Variants in CEP85L observed in about 807,000 individuals in gnomAD.
CEP85L encodes the protein centrosomal protein of 85 kDa-like.
A neutral mutation model predicts 100.3 loss-of-function variants in CEP85L; 60 were observed. The ratio of observed to expected loss-of-function variants is 0.60; its 90% CI spans 0.49 to 0.74. The LOEUF (loss-of-function observed/expected upper bound fraction) is 0.74. Among genes scored for constraint, CEP85L ranks in the 30% least tolerant of loss-of-function variants. The pLI, the probability that CEP85L is intolerant of heterozygous loss-of-function variation, is 0.00. For synonymous variants in CEP85L, 319 were observed against 322.7 expected, an observed-to-expected ratio of 0.99 and a Z score of 0.12; for missense variants, 973 against 936.2, an observed-to-expected ratio of 1.04 and a Z score of -0.51.
chr6:118,645,692 A>G (rs1223277189), intron 1 of CEP85L, among the ~76,000 whole-genome samples: 1 of 152,146 alleles, frequency 6.6e-6, no homozygotes, highest in South Asian at 2.1e-4. Flanking sequence ...CAAAACAAAC[A>G]AACAAACAAA....
chr6:118,540,856 A>T (rs1410292900), intron 3 of CEP85L, among the ~76,000 whole-genome samples: 1 of 152,304 alleles, frequency 6.6e-6, no homozygotes, highest in Non-Finnish European at 1.5e-5. Flanking sequence ...AACTTCAACT[A>T]ATCTGCACAA....
intron 1 of CEP85L, among the ~76,000 whole-genome samples, chr6:118,688,137 G>A (rs965018786): frequency 2.6e-5 from 4 of 152,068 alleles, no homozygotes; most frequent in African/African-American, 9.7e-5. Flanking sequence ...TGTGCGCAAG[G>A]ACCCCCCAGT....
chr6:118,694,503 G>A (rs1275781561), intron 1 of CEP85L, among the ~76,000 whole-genome samples: 1 of 152,158 alleles, frequency 6.6e-6, no homozygotes, highest in Non-Finnish European at 1.5e-5. Context: ...CAATTGTGAT[G>A]TAATTCTCCT....
At chr6:118,554,482 T>TG (rs1379220535) in intron 3 of CEP85L, among the ~76,000 whole-genome samples, 4 of 152,158 alleles carry the variant, frequency 2.6e-5, no homozygotes, top group African/African-American at 9.7e-5. Flanking sequence ...TTTCTAATAG[T>TG]TTTAGTCATA....
intron 1 of CEP85L, among the ~76,000 whole-genome samples, chr6:118,639,960 T>C (rs1378513396): frequency 6.6e-6 from 1 of 152,220 alleles, no homozygotes; most frequent in Non-Finnish European, 1.5e-5. Context: ...AGTATGCATT[T>C]AAGTATCTAT....
intron 3 of CEP85L, among the ~76,000 whole-genome samples, chr6:118,545,224 C>T (rs1778127299): frequency 6.6e-6 from 1 of 152,200 alleles, no homozygotes; most frequent in Non-Finnish European, 1.5e-5. Flanking sequence ...CCTCCGGATA[C>T]ACCACTACAG....
At position 118,572,998 on chromosome 6, in the gene CEP85L, G is replaced by T. The variant is rs1408673188; in HGVS notation, c.233-6682C>A. Among the ~76,000 whole-genome samples the T allele has an allele frequency of 2.0e-5, 3 of 152,180 alleles. No homozygotes were observed. The East Asian group carries it at 5.8e-4, about 29-fold the overall frequency. ...AATCACTTGAACCCAGGAGGCAGAG[G>T]TTGCAGTGAGCTAAGACTGTGCCAT... On this transcript the variant is annotated intron_variant, in intron 2 of 12. Transcript: ENST00000368491.
chr6:118,617,121 G>T (rs1773109908), intron 2 of CEP85L, among the ~76,000 whole-genome samples: 1 of 152,090 alleles, frequency 6.6e-6, no homozygotes, highest in South Asian at 2.1e-4. Context: ...ATGCCAGCTG[G>T]GCTTCCTGGG....
chr6:118,692,838 T>G (rs1777090292), intron 1 of CEP85L, among the ~76,000 whole-genome samples: 1 of 99,582 alleles, frequency 1.0e-5, no homozygotes, highest in Non-Finnish European at 2.4e-5. Flanking sequence ...AGGCAGGAAA[T>G]CATAAGGTAG....
At chr6:118,476,795 A>G (rs1211435259) in intron 10 of CEP85L, among the ~76,000 whole-genome samples, 1 of 152,218 alleles carries the variant, frequency 6.6e-6, no homozygotes, top group Non-Finnish European at 1.5e-5. Flanking sequence ...TTGTGATATT[A>G]TGATCATCTA....
In CEP85L at chr6:118,547,175, C is replaced by T. The variant is rs115203258; in HGVS notation, c.1020+18354G>A. Reference sequence around the variant, plus strand: ...GAAGAGATTTAAGAATTAATATTTTCGAGTGTGGTGACTTAAGTAAATCTA... The same window carrying T: ...GAAGAGATTTAAGAATTAATATTTTTGAGTGTGGTGACTTAAGTAAATCTA... On this transcript the variant is annotated intron_variant, in intron 3 of 12. Coordinates refer to ENST00000368491, the MANE Select transcript of CEP85L (RefSeq NM_001042475.3). Among the ~76,000 whole-genome samples, 565 of 152,160 alleles carry T rather than the reference C, an allele frequency of 3.7e-3. 3 individuals are homozygous for T. The highest frequency in any genetic ancestry group is 0.013 in the African/African-American group (539 of 41,548).
At chr6:118,604,398 C>T (rs1772037741) in intron 2 of CEP85L, among the ~76,000 whole-genome samples, 1 of 152,158 alleles carries the variant, frequency 6.6e-6, no homozygotes, top group South Asian at 2.1e-4. Context: ...TTTTTTCACA[C>T]CATCCACAAC....
intron 2 of CEP85L, among the ~76,000 whole-genome samples, chr6:118,621,208 C>T (rs2356501): frequency 4.6e-5 from 7 of 152,022 alleles, no homozygotes; most frequent in Non-Finnish European, 8.8e-5. Context: ...CCCAATCCTA[C>T]GAGTACAAAA....
rs1363348381 is a variant in CEP85L, at chr6:118,566,079, G to C, written c.470C>G (p.Ser157Ter). The change falls in exon 3 of 13, where the codon TCA (serine) becomes TGA (stop). Residue 157 changes from serine (S) to a stop codon, truncating the protein, a stop_gained. Coordinates refer to ENST00000368491, the MANE Select transcript of CEP85L (RefSeq NM_001042475.3). LOFTEE classifies it high-confidence loss of function. ...MKDFRPLRKW[S>*]SLSKLTAPDN... ...CGGGGCAGTGAGTTTGGATAAAGAT[G>C]ACCATTTCCGAAGTGGCCGGAAGTC... is the stretch of plus-strand genomic sequence containing the variant. The C allele has an allele frequency of 2.5e-6, 4 of 1,614,058 alleles. No homozygotes were observed. Among genetic ancestry groups the C allele is most frequent in the Non-Finnish European group, 2.5e-6 (3 of 1,180,046 alleles).
chr6:118,658,677 A>G (rs1775875355), intron 1 of CEP85L, among the ~76,000 whole-genome samples: 2 of 152,312 alleles, frequency 1.3e-5, no homozygotes, highest in African/African-American at 4.8e-5. Flanking sequence ...GATTGTAAAT[A>G]TATGTTAAAT....
chr6:118,685,147 G>A (rs1349766273), intron 1 of CEP85L, among the ~76,000 whole-genome samples: 2 of 152,134 alleles, frequency 1.3e-5, no homozygotes, highest in Admixed American at 1.3e-4. Context: ...TTACTTAGTT[G>A]TATCTGTAAT....
intron 4 of CEP85L, among the ~76,000 whole-genome samples, chr6:118,512,336 A>C (rs1776018386): frequency 6.6e-6 from 1 of 151,920 alleles, no homozygotes; most frequent in Non-Finnish European, 1.5e-5. Context: ...TGAGGAAGCT[A>C]CCGACGGTGT....
chr6:118,506,647 G>A (rs1158188330), intron 5 of CEP85L, among the ~76,000 whole-genome samples: 4 of 152,106 alleles, frequency 2.6e-5, no homozygotes, highest in Non-Finnish European at 4.4e-5. Flanking sequence ...AGAAAACTAA[G>A]CAGACATCAT....
intron 1 of CEP85L, among the ~76,000 whole-genome samples, chr6:118,644,732 C>A (rs533814726): frequency 6.6e-6 from 1 of 152,268 alleles, no homozygotes; most frequent in East Asian, 1.9e-4. Context: ...CTTAAGATTT[C>A]TCATGTATAT....
Sources: gnomAD v4.1 joint callset for allele counts (sites outside exome capture counted in the v4.1 genomes callset) on GRCh38, gnomAD v4.1.1 for gene constraint, MANE v1.5 for transcripts, NCBI Gene and HGNC (gene_info 2026-07-23, HGNC 2026-07-21) for gene names.